Variants in NR2F6 observed in about 807,000 individuals in gnomAD.
NR2F6 encodes ERBA-related gene-2.
Under a neutral mutation model 26.5 loss-of-function variants are expected in NR2F6, and 16 were observed. The observed-to-expected ratio is 0.60, with a 90% CI of 0.41 to 0.92. The LOEUF (loss-of-function observed/expected upper bound fraction) is 0.92, where lower values mean the gene tolerates loss of function less well. Among genes scored for constraint, NR2F6 ranks in the 40% least tolerant of loss-of-function variants. The pLI, the probability that NR2F6 is intolerant of heterozygous loss-of-function variation, is 0.00. For missense variants in NR2F6, 536 were observed against 631.7 expected, an observed-to-expected ratio of 0.85 and a Z score of 1.62; for synonymous variants, 325 against 305.0, an observed-to-expected ratio of 1.07 and a Z score of -0.68.
chr19:17,240,854 C>G (rs1314773218), intron 1 of NR2F6, 89 bp from the exon 2 acceptor site: 1 of 1,291,778 alleles, frequency 7.7e-7, no homozygotes, highest in Non-Finnish European at 1.1e-6. Context: ...GGCTGCCCCT[C>G]AGAAATACTA....
chr19:17,239,201 G>A (rs904686766), intron 2 of NR2F6, among the ~76,000 whole-genome samples: 4 of 151,076 alleles, frequency 2.6e-5, no homozygotes, highest in South Asian at 2.1e-4. Flanking sequence ...GCTGGGCGTG[G>A]TGGCATGTGC....
In NR2F6 at chr19:17,235,902, G is replaced by A. The variant is rs1449957072; in HGVS notation, c.537C>T (p.Tyr179=). 6 of 1,475,356 alleles carry A rather than the reference G, an allele frequency of 4.1e-6. No individual in the cohort carries two copies. The highest frequency in any genetic ancestry group is 5.4e-6 in the Non-Finnish European group (6 of 1,120,464). The allele number at this position is 1,475,356 out of a possible 1,614,324, so 91.4% of individuals were successfully genotyped here. The change falls in exon 3 of 4, where the codon TAC becomes TAT. Residue 179 remains tyrosine (Y), a synonymous_variant. Transcript: ENST00000291442. This position sits in a 1 kb window ranked among gnomAD's most constrained non-coding sequence, Gnocchi z 5.0. The part of the protein sequence containing the change: ...LIAQLLRAEP[Y]PAAAGRFGAG... The stretch of plus-strand genomic sequence containing the variant: ...CGCCGAAGCGTCCGGCCGCCGCAGG[G>A]TAGGGCTCAGCGCGCAGCAGCTGCG...
chr19:17,244,247 G>T (rs908298442), intron 1 of NR2F6: 2 of 152,528 alleles, frequency 1.3e-5, no homozygotes, highest in Non-Finnish European at 2.9e-5. Context: ...GGGGGAGAGG[G>T]ACGTTTCAGT....
In NR2F6 at chr19:17,235,600, T is replaced by C. The variant is rs753449813; in HGVS notation, c.839A>G (p.Asp280Gly). Reference sequence around the variant, plus strand: ...CTGCTCCTGGAAGGCGCGCACCTGGTCCATGAAAGCCACGGCGCGCTCGGC... The same window carrying C: ...CTGCTCCTGGAAGGCGCGCACCTGGCCCATGAAAGCCACGGCGCGCTCGGC... Reference protein sequence around the residue: ...MAAERAVAFMDQVRAFQEQVD... With the variant: ...MAAERAVAFMGQVRAFQEQVD... The change falls in exon 3 of 4, where the codon GAC becomes GGC. Residue 280 changes from aspartate to glycine, a missense_variant. Asp to Gly is a moderately conservative substitution (Grantham distance 94). Transcript: ENST00000291442. This position sits in a 1 kb window ranked among gnomAD's most constrained non-coding sequence, Gnocchi z 5.0. The C allele has an allele frequency of 2.4e-5, 38 of 1,579,960 alleles. No individual in the cohort carries two copies. The highest frequency in any genetic ancestry group is 3.2e-5 in the Non-Finnish European group (37 of 1,171,628).
chr19:17,241,282 G>A (rs546193382), intron 1 of NR2F6, among the ~76,000 whole-genome samples: 1 of 152,108 alleles, frequency 6.6e-6, no homozygotes, highest in Non-Finnish European at 1.5e-5. Flanking sequence ...TAGCATTGTG[G>A]GGCCCCAGCA....
intron 1 of NR2F6, 130 bp downstream of exon 1, chr19:17,244,813 C>A: frequency 1.8e-6 from 2 of 1,084,072 alleles, no homozygotes; most frequent in Non-Finnish European, 1.3e-6. Context: ...GGGTGCTGTG[C>A]CCCTATCTCA....
intron 3 of NR2F6, among the ~76,000 whole-genome samples, chr19:17,234,904 T>G (rs571359970): frequency 6.6e-6 from 1 of 152,074 alleles, no homozygotes; most frequent in Non-Finnish European, 1.5e-5. Flanking sequence ...AAAAAAAAAT[T>G]TGGCTGTACC....
intron 2 of NR2F6, among the ~76,000 whole-genome samples, chr19:17,236,809 C>T (rs1391414030): frequency 6.6e-6 from 1 of 152,210 alleles, no homozygotes; most frequent in East Asian, 1.9e-4. Flanking sequence ...AGGGGGGCTG[C>T]CATAGGTCCT....
At chr19:17,244,694 G>A (rs1312973561) in intron 1 of NR2F6, among the ~76,000 whole-genome samples, 1 of 152,212 alleles carries the variant, frequency 6.6e-6, no homozygotes, top group Admixed American at 6.5e-5. Flanking sequence ...GAGGGAAGGA[G>A]AAGCAAGTAA....
At chr19:17,244,917 C>T in intron 1 of NR2F6, 26 bp downstream of exon 1, 8 of 1,554,662 alleles carry the variant, frequency 5.1e-6, no homozygotes, top group African/African-American at 1.4e-5. Context: ...GGGTGCACGG[C>T]GGCGGCGCGC....
intron 3 of NR2F6, among the ~76,000 whole-genome samples, chr19:17,234,247 G>A (rs943835749): frequency 1.6e-4 from 24 of 151,502 alleles, no homozygotes; most frequent in Non-Finnish European, 2.9e-4. Context: ...AAAATCTTCT[G>A]GGAAAACAAT....
At position 17,232,485 on chromosome 19, in the gene NR2F6, C is replaced by A. The variant is rs2073412804; in HGVS notation, c.1082G>T (p.Arg361Leu). ...GGAGATGAGGGAGGCAGGGACCGCG[C>A]GCAGGGCGGGGAGCCGCAGCAGCAG... is the stretch of plus-strand genomic sequence containing the variant. ...GRLLLRLPAL[R>L]AVPASLISQL... is the part of the protein sequence containing the mutation. The change falls in exon 4 of 4, where the codon CGC becomes CTC. Residue 361 changes from arginine (R) to leucine (L), a missense_variant. By Grantham distance (102) the Arg-to-Leu change is moderately radical (BLOSUM62 -2). Coordinates refer to ENST00000291442, the MANE Select transcript of NR2F6 (RefSeq NM_005234.4). The A allele has an allele frequency of 6.2e-7, 1 of 1,612,248 alleles. No individual in the cohort carries two copies. The highest frequency in any genetic ancestry group is 1.1e-5 in the South Asian group (1 of 91,048).
intron 1 of NR2F6, among the ~76,000 whole-genome samples, chr19:17,241,897 TC>T (rs1158478078): frequency 6.6e-6 from 1 of 151,750 alleles, no homozygotes; most frequent in Non-Finnish European, 1.5e-5. Context: ...ATGCCTGTAA[TC>T]CCAGCTACTT....
At position 17,235,151 on chromosome 19, in the gene NR2F6, C is replaced by G. The variant is rs1397183719; in HGVS notation, c.940+348G>C. ...CCCAACCTTGTGCTATCAGTGCTCA[C>G]TAAGCCTGAAGAGCCCTTTGGTGAG... On this transcript the variant is annotated intron_variant, in intron 3 of 3. Coordinates refer to ENST00000291442, the MANE Select transcript of NR2F6 (RefSeq NM_005234.4). The surrounding 1 kb of genome is among the most constrained non-coding windows in gnomAD (Gnocchi z 5.0). Among the ~76,000 whole-genome samples the G allele has an allele frequency of 1.3e-5, 2 of 152,206 alleles. No individual in the cohort carries two copies. Among genetic ancestry groups the G allele is most frequent in the African/African-American group, 4.8e-5 (2 of 41,462 alleles).
rs1177346474 is a variant in NR2F6, at chr19:17,235,002, G to A, written c.940+497C>T. 6.6e-6 allele frequency among the ~76,000 whole-genome samples: 1 copy of A among 152,214 alleles called. No homozygotes were observed. The highest frequency in any genetic ancestry group is 1.5e-5 in the Non-Finnish European group (1 of 68,030). ...GGTTGCCCCGCCCCTCAACGGGAGG[G>A]GCCTCCGAGCCACGCCCCTACCCAG... On this transcript the variant is annotated intron_variant, in intron 3 of 3. Transcript: ENST00000291442. This position sits in a 1 kb window ranked among gnomAD's most constrained non-coding sequence, Gnocchi z 5.0.
At position 17,245,231 on chromosome 19, in the gene NR2F6, C is replaced by A; in HGVS notation, c.-11G>T. 7.1e-6 allele frequency: 9 copies of A among 1,274,686 alleles called. No individual in the cohort carries two copies. The highest frequency in any genetic ancestry group is 2.6e-5 in the South Asian group (1 of 39,152). The allele number at this position is 1,274,686 out of a possible 1,614,324, so 79.0% of individuals were successfully genotyped here. Reference sequence around the variant, plus strand: ...GGTCACCATGGCCATAGCCCCAGGGCAGCGGGGCCGGGGCGCCCCCACCGC... The same window carrying A: ...GGTCACCATGGCCATAGCCCCAGGGAAGCGGGGCCGGGGCGCCCCCACCGC... On this transcript the variant is annotated 5_prime_UTR_variant, in exon 1 of 4. Coordinates refer to ENST00000291442, the MANE Select transcript of NR2F6 (RefSeq NM_005234.4). The surrounding 1 kb of genome is among the most constrained non-coding windows in gnomAD (Gnocchi z 5.0).
rs2073410584 is a variant in NR2F6, at chr19:17,232,124, C to CA, written c.*227dup. Reference sequence around the variant, plus strand: ...CTAGGATTGGACCCTCCATCCTGGACAGGGGTCCTGGGGAGGATGAGGCTG... The same window carrying CA: ...CTAGGATTGGACCCTCCATCCTGGACAAGGGGTCCTGGGGAGGATGAGGCTG... On this transcript the variant is annotated 3_prime_UTR_variant, in exon 4 of 4. Transcript: ENST00000291442. The CA allele has an allele frequency of 1.7e-6, 1 of 605,326 alleles. No homozygotes were observed. The highest frequency in any genetic ancestry group is 3.1e-5 in the East Asian group (1 of 32,320). 37.5% of individuals were successfully genotyped at this position (605,326 alleles called of 1,614,324 possible). A position where few individuals can be genotyped will look rare whatever the true frequency, so the allele number is the denominator to read the frequency against.
intron 3 of NR2F6, among the ~76,000 whole-genome samples, chr19:17,233,246 G>A (rs2073417569): frequency 6.6e-6 from 1 of 150,462 alleles, no homozygotes; most frequent in African/African-American, 2.4e-5. Flanking sequence ...GAGCCTAGGA[G>A]TTTGAGGCTA....
At chr19:17,233,112 A>T (rs1177513329) in intron 3 of NR2F6, among the ~76,000 whole-genome samples, 1 of 152,136 alleles carries the variant, frequency 6.6e-6, no homozygotes, top group Non-Finnish European at 1.5e-5. Flanking sequence ...GTGCCACTGC[A>T]CTCCAGCCTG....
Sources: allele counts gnomAD v4.1 joint callset (sites outside exome capture counted in the v4.1 genomes callset), GRCh38; gene constraint gnomAD v4.1.1; non-coding constraint Gnocchi (gnomAD v3.1); transcripts MANE v1.5; gene names NCBI Gene and HGNC (gene_info 2026-07-23, HGNC 2026-07-21).